The following TMCO2 variants were observed in gnomAD, a reference collection of about 807,000 sequenced individuals.
TMCO2 encodes the protein transmembrane and coiled-coil domain-containing protein 2.
In TMCO2, 15 loss-of-function variants were observed where a neutral mutation model predicts 18.0. That is an observed-to-expected ratio of 0.84 (90% CI 0.56 to 1.29). TMCO2 has a LOEUF of 1.29. Ranked by LOEUF, TMCO2 falls within the 50% of genes most tolerant of loss-of-function variation. The pLI is 0.00. For missense variants in TMCO2, 182 were observed against 200.9 expected, an observed-to-expected ratio of 0.91 and a Z score of 0.57; for synonymous variants, 79 against 75.9, an observed-to-expected ratio of 1.04 and a Z score of -0.21.
intron 1 of TMCO2, among the ~76,000 whole-genome samples, chr1:40,250,210 G>C (rs996856779): frequency 5.9e-5 from 9 of 151,724 alleles, no homozygotes; most frequent in Admixed American, 1.3e-4. Flanking sequence ...CGTTCACTAT[G>C]TTGCTCAGGC....
chr1:40,249,822 T>A (rs1455560516), intron 1 of TMCO2, among the ~76,000 whole-genome samples: 1 of 151,498 alleles, frequency 6.6e-6, no homozygotes, highest in African/African-American at 2.4e-5. Context: ...TACAGGCGCA[T>A]ACCACCACAC....
At chr1:40,250,109 G>A (rs1376119588) in intron 1 of TMCO2, among the ~76,000 whole-genome samples, 1 of 150,882 alleles carries the variant, frequency 6.6e-6, no homozygotes, top group African/African-American at 2.4e-5. Context: ...TGATCCTCCT[G>A]CCTCAGCCTC....
Position 40,251,410 on chromosome 1 carries a change from C to A in TMCO2, c.365C>A (p.Ser122Tyr), listed in dbSNP as rs1643383187. ...CAAGACAATAATAATCTTTTCCTGT[C>A]CTTGGGTCTGCAAGAGAAAATTTTG... Reference protein sequence around the residue: ...RIQDNNNLFLSLGLQEKILKK... With the variant: ...RIQDNNNLFLYLGLQEKILKK... The change falls in exon 2 of 2, where the codon TCC becomes TAC. Residue 122 changes from serine (S) to tyrosine (Y), a missense_variant. Transcript: ENST00000372766. The A allele has an allele frequency of 6.2e-7, 1 of 1,613,934 alleles. No homozygotes were observed. Among genetic ancestry groups the A allele is most frequent in the Admixed American group, 1.7e-5 (1 of 59,960 alleles).
Position 40,248,010 on chromosome 1 carries a change from C to A in TMCO2, c.17C>A (p.Ser6Tyr). 1.9e-6 allele frequency: 3 copies of A among 1,614,044 alleles called. No individual in the cohort carries two copies. In the East Asian group the frequency reaches 6.7e-5, roughly 36 times the overall value. MSTSS[S>Y]SSWDNLLESL... ...CTTATTAAAATGTCAACATCTTCAT[C>A]TTCTAGCTGGGACAACCTCTTAGAG... Residue 6 changes from serine to tyrosine, a missense_variant, in exon 1 of 2, where the codon TCT becomes TAT. Transcript: ENST00000372766.
chr1:40,251,580 A>C lies in TMCO2; in HGVS notation c.535A>C (p.Thr179Pro), dbSNP rs1643385242. The C allele has an allele frequency of 6.2e-7, 1 of 1,603,486 alleles. No homozygotes were observed. The highest frequency in any genetic ancestry group is 1.3e-5 in the African/African-American group (1 of 74,114). ...GAGTCCCTTGTCCACATCAGGGTTT[A>C]CTTCCCCCATTTGAAATGTGATGGA... ...CQSPLSTSGF[T>P]SPI Residue 179 changes from threonine (T) to proline (P), a missense_variant, in exon 2 of 2, where the codon ACT (threonine) becomes CCT (proline). Physicochemically the swap from Thr to Pro is conservative, Grantham distance 38 (BLOSUM62 -1). Coordinates refer to ENST00000372766, the MANE Select transcript of TMCO2 (RefSeq NM_001008740.4).
In TMCO2 at chr1:40,249,133, G is replaced by C. The variant is rs368374074; in HGVS notation, c.237+903G>C. Among the ~76,000 whole-genome samples the C allele has an allele frequency of 7.9e-5, 12 of 152,184 alleles. 1 individual carries two copies. The highest frequency in any genetic ancestry group is 3.9e-4 in the East Asian group (2 of 5,176). On this transcript the variant is annotated intron_variant, in intron 1 of 1. Transcript: ENST00000372766. Reference sequence around the variant, plus strand: ...GAGAACTTGATTGCTACCCACCCAAGTTCACATAGTTTGTAAGAGCTGGCA... The same window carrying C: ...GAGAACTTGATTGCTACCCACCCAACTTCACATAGTTTGTAAGAGCTGGCA...
chr1:40,248,270 T>A (rs544777435), intron 1 of TMCO2, 40 bp downstream of exon 1: 1 of 1,534,046 alleles, frequency 6.5e-7, no homozygotes, highest in Non-Finnish European at 8.9e-7. Flanking sequence ...TAGTTATAAA[T>A]TGAAATTTGA....
At chr1:40,251,044 G>A (rs955139091) in intron 1 of TMCO2, among the ~76,000 whole-genome samples, 1 of 150,980 alleles carries the variant, frequency 6.6e-6, no homozygotes, top group Non-Finnish European at 1.5e-5. Context: ...GGCTGAGGCA[G>A]GAGAATGGCG....
chr1:40,250,318 A>AATATATAT (rs144052392), intron 1 of TMCO2, among the ~76,000 whole-genome samples: 9 of 145,760 alleles, frequency 6.2e-5, no homozygotes, highest in African/African-American at 2.1e-4. Context: ...ATATAAATAA[A>AATATATAT]ATATATATAT....
chr1:40,249,911 G>A (rs973520633), intron 1 of TMCO2, among the ~76,000 whole-genome samples: 14 of 152,092 alleles, frequency 9.2e-5, no homozygotes, highest in African/African-American at 3.4e-4. Flanking sequence ...CTGACCTCAG[G>A]TGATCCGCCC....
intron 1 of TMCO2, among the ~76,000 whole-genome samples, chr1:40,250,505 G>A (rs1643373342): frequency 6.6e-6 from 1 of 151,870 alleles, no homozygotes; most frequent in South Asian, 2.1e-4. Flanking sequence ...ATCTCTCCTA[G>A]TATATTTTAA....
At chr1:40,250,912 C>T (rs1271288936) in intron 1 of TMCO2, among the ~76,000 whole-genome samples, 1 of 152,030 alleles carries the variant, frequency 6.6e-6, no homozygotes, top group Non-Finnish European at 1.5e-5. Context: ...CCACGATGGG[C>T]GGATCACGAG....
At position 40,251,532 on chromosome 1, in the gene TMCO2, T is replaced by C; in HGVS notation, c.487T>C (p.Tyr163His). 5.0e-6 allele frequency: 8 copies of C among 1,613,840 alleles called. No homozygotes were observed. Among genetic ancestry groups the C allele is most frequent in the Non-Finnish European group, 6.8e-6 (8 of 1,179,966 alleles). The change falls in exon 2 of 2, where the codon TAC becomes CAC. Residue 163 changes from tyrosine to histidine, a missense_variant. Transcript: ENST00000372766. ...GAAGAGGGATTGCTCCTCTGAGCCCTACTGCAGCTGCTCTGACTGCCAGAG... is the reference window on the plus strand; with the variant it reads ...GAAGAGGGATTGCTCCTCTGAGCCCCACTGCAGCTGCTCTGACTGCCAGAG... ...ATKRDCSSEP[Y>H]CSCSDCQSPL...
In TMCO2 at chr1:40,251,586, C is replaced by A; in HGVS notation, c.541C>A (p.Pro181Thr). ...CTTGTCCACATCAGGGTTTACTTCC[C>A]CCATTTGAAATGTGATGGACTCCAA... is the stretch of plus-strand genomic sequence containing the variant. ...SPLSTSGFTS[P>T]I The change falls in exon 2 of 2, where the codon CCC becomes ACC. Residue 181 changes from proline to threonine, a missense_variant. Pro to Thr is a conservative substitution (Grantham distance 38). Transcript: ENST00000372766. The A allele has an allele frequency of 1.2e-6, 2 of 1,603,512 alleles. No individual in the cohort carries two copies. Among genetic ancestry groups the A allele is most frequent in the South Asian group, 1.1e-5 (1 of 88,468 alleles).
At chr1:40,250,598 C>G (rs1262387749) in intron 1 of TMCO2, among the ~76,000 whole-genome samples, 1 of 152,134 alleles carries the variant, frequency 6.6e-6, no homozygotes, top group Non-Finnish European at 1.5e-5. Context: ...TTCTGGATTC[C>G]TGTCCTGGCT....
chr1:40,251,390 C>T lies in TMCO2; in HGVS notation c.345C>T (p.Asp115=), dbSNP rs61744562. ...NPEGSGLRIQ[D]NNNLFLSLGL... ...AAGGAAGTGGTCTCCGAATTCAAGA[C>T]AATAATAATCTTTTCCTGTCCTTGG... Residue 115 remains aspartate, a synonymous_variant, in exon 2 of 2, where the codon GAC becomes GAT. Transcript: ENST00000372766. 3,042 of 1,613,994 alleles carry T rather than the reference C, an allele frequency of 1.9e-3. 40 individuals carry two copies. In the African/African-American group the frequency reaches 0.032, roughly 17 times the overall value.
intron 1 of TMCO2, among the ~76,000 whole-genome samples, chr1:40,248,495 C>G (rs1643356189): frequency 6.6e-6 from 1 of 152,174 alleles, no homozygotes; most frequent in East Asian, 1.9e-4. Flanking sequence ...GACAGCCTTA[C>G]CCTCAAAAAT....
chr1:40,249,797 C>A (rs1643366652), intron 1 of TMCO2, among the ~76,000 whole-genome samples: 1 of 151,772 alleles, frequency 6.6e-6, no homozygotes, highest in Non-Finnish European at 1.5e-5. Flanking sequence ...CCTCACCCTC[C>A]CGAGTAGCTG....
Position 40,251,488 on chromosome 1 carries a change from T to A in TMCO2, c.443T>A (p.Val148Asp). The stretch of plus-strand genomic sequence containing the variant: ...ATGAAGAACCTAGAAGGGATAATCG[T>A]TGCTCAAAAACCTGCCACGAAGAGG... ...NKMKNLEGIIVAQKPATKRDC... is the reference protein window; with the variant it reads ...NKMKNLEGIIDAQKPATKRDC... Residue 148 changes from valine to aspartate, a missense_variant, in exon 2 of 2, where the codon GTT becomes GAT. By Grantham distance (152) the Val-to-Asp change is radical. Coordinates refer to ENST00000372766, the MANE Select transcript of TMCO2 (RefSeq NM_001008740.4). 1 of 1,613,804 alleles carries A rather than the reference T, an allele frequency of 6.2e-7. No individual in the cohort carries two copies. Among genetic ancestry groups the A allele is most frequent in the Non-Finnish European group, 8.5e-7 (1 of 1,179,936 alleles).
Sources: gnomAD v4.1 joint callset for allele counts (sites outside exome capture counted in the v4.1 genomes callset) on GRCh38, gnomAD v4.1.1 for gene constraint, MANE v1.5 for transcripts, NCBI Gene and HGNC (gene_info 2026-07-23, HGNC 2026-07-21) for gene names.